Variants in NTM observed in about 807,000 individuals in gnomAD.
NTM encodes IgLON family member 2.
In NTM, 13 loss-of-function variants were observed where a neutral mutation model predicts 42.1. That is an observed-to-expected ratio of 0.31 (90% CI 0.20 to 0.49). NTM has a LOEUF of 0.49. Ranked by LOEUF, NTM falls within the 20% of genes least tolerant of loss-of-function variation. NTM has a pLI of 0.99. For missense variants in NTM, 373 were observed against 452.8 expected, an observed-to-expected ratio of 0.82 and a Z score of 1.60; for synonymous variants, 187 against 179.2, an observed-to-expected ratio of 1.04 and a Z score of -0.35.
At chr11:131,973,793 G>C (rs991237468) in intron 2 of NTM, among the ~76,000 whole-genome samples, 8 of 152,156 alleles carry the variant, frequency 5.3e-5, no homozygotes, top group Admixed American at 5.2e-4. Context: ...CTCTACCCTG[G>C]GCGACAGAGT....
chr11:131,648,366 C>T (rs528693140), intron 1 of NTM, among the ~76,000 whole-genome samples: 1 of 152,102 alleles, frequency 6.6e-6, no homozygotes, highest in Non-Finnish European at 1.5e-5. Context: ...ATATACCCAA[C>T]AGTGGGTTTG....
chr11:132,154,005 A>G (rs2072589900), intron 3 of NTM, among the ~76,000 whole-genome samples: 1 of 152,230 alleles, frequency 6.6e-6, no homozygotes, highest in Non-Finnish European at 1.5e-5. Context: ...AGGAAATGGC[A>G]TCCCAAACAG....
At chr11:131,526,367 G>A (rs2050482804) in intron 1 of NTM, among the ~76,000 whole-genome samples, 1 of 152,210 alleles carries the variant, frequency 6.6e-6, no homozygotes, top group Non-Finnish European at 1.5e-5. Flanking sequence ...GGACAGGTCA[G>A]GTGTGTGTTT....
At chr11:131,877,514 A>G (rs2048714202) in intron 1 of NTM, among the ~76,000 whole-genome samples, 1 of 152,126 alleles carries the variant, frequency 6.6e-6, no homozygotes, top group Non-Finnish European at 1.5e-5. Flanking sequence ...TGGCCCTGAG[A>G]GGGCCCTTTT....
intron 8 of NTM, among the ~76,000 whole-genome samples, chr11:132,331,807 T>C (rs1339448656): frequency 6.6e-6 from 1 of 152,050 alleles, no homozygotes; most frequent in Non-Finnish European, 1.5e-5. Context: ...GAATGAAGAA[T>C]AAGAGTGATA....
intron 3 of NTM, among the ~76,000 whole-genome samples, chr11:132,181,920 C>T (rs1028385085): frequency 1.3e-5 from 2 of 151,014 alleles, no homozygotes; most frequent in Middle Eastern, 3.5e-3. Flanking sequence ...AGTCTGAAAT[C>T]TTATCAGATT....
chr11:131,589,153 C>CA (rs1319367772), intron 1 of NTM, among the ~76,000 whole-genome samples: 1 of 139,228 alleles, frequency 7.2e-6, no homozygotes, highest in Admixed American at 7.0e-5. Context: ...CCATGCCACT[C>CA]TTAACCTGGA....
intron 1 of NTM, among the ~76,000 whole-genome samples, chr11:131,854,705 G>A (rs1436120433): frequency 6.6e-6 from 1 of 152,102 alleles, no homozygotes; most frequent in African/African-American, 2.4e-5. Context: ...AAGAGCAATG[G>A]GAAGACTTTG....
At chr11:131,373,753 T>C (rs1941547208) in intron 1 of NTM, among the ~76,000 whole-genome samples, 1 of 152,166 alleles carries the variant, frequency 6.6e-6, no homozygotes, top group South Asian at 2.1e-4. Context: ...GAAGGATTAT[T>C]GTTTCTTTTA....
chr11:132,256,923 C>G (rs2092527992), intron 4 of NTM, among the ~76,000 whole-genome samples: 1 of 152,206 alleles, frequency 6.6e-6, no homozygotes, highest in African/African-American at 2.4e-5. Flanking sequence ...GCATCTGTCA[C>G]TCTCCAATAT....
At chr11:131,660,035 G>C (rs1268845122) in intron 1 of NTM, among the ~76,000 whole-genome samples, 4 of 152,242 alleles carry the variant, frequency 2.6e-5, no homozygotes, top group Non-Finnish European at 4.4e-5. Flanking sequence ...CTTGCAAGTA[G>C]AATGCTCAGA....
intron 2 of NTM, among the ~76,000 whole-genome samples, chr11:132,010,131 G>A (rs948778347): frequency 6.6e-6 from 1 of 152,186 alleles, no homozygotes; most frequent in Non-Finnish European, 1.5e-5. Flanking sequence ...GGCTGTTCAT[G>A]TAATACCTCA....
chr11:131,605,082 G>C (rs371637251), intron 1 of NTM, among the ~76,000 whole-genome samples: 14 of 150,832 alleles, frequency 9.3e-5, no homozygotes, highest in African/African-American at 3.2e-4. Flanking sequence ...GGATCATCTT[G>C]TCAATTTCTG....
intron 8 of NTM, 31 bp from the exon 9 acceptor site, chr11:132,335,015 A>AC (rs762394333): frequency 1.3e-5 from 21 of 1,602,722 alleles, no homozygotes; most frequent in Non-Finnish European, 1.7e-5. Flanking sequence ...TTTCTCCCAG[A>AC]CCACTCACGG....
chr11:131,773,657 C>T (rs764102556), intron 1 of NTM, among the ~76,000 whole-genome samples: 6 of 152,184 alleles, frequency 3.9e-5, no homozygotes, highest in Non-Finnish European at 8.8e-5. Context: ...TTTGCCATAT[C>T]TTTTAACATT....
chr11:132,160,876 GAGA>G (rs2074125557), intron 3 of NTM, among the ~76,000 whole-genome samples: 1 of 152,220 alleles, frequency 6.6e-6, no homozygotes. Context: ...CAGGCAGTGA[GAGA>G]AGGAGGAGGG....
intron 2 of NTM, among the ~76,000 whole-genome samples, chr11:132,074,400 T>C (rs968807885): frequency 6.6e-6 from 1 of 152,206 alleles, no homozygotes; most frequent in Non-Finnish European, 1.5e-5. Flanking sequence ...GATCCTTTTA[T>C]ATCAGCAGCA....
At chr11:131,496,321 T>C (rs191540799) in intron 1 of NTM, among the ~76,000 whole-genome samples, 51 of 152,340 alleles carry the variant, frequency 3.3e-4, no homozygotes, top group African/African-American at 1.2e-3. Context: ...TTCAGCCCCA[T>C]GTCTGGTGAT....
intron 2 of NTM, among the ~76,000 whole-genome samples, chr11:132,029,341 TC>T (rs1198905171): frequency 2.3e-5 from 1 of 43,998 alleles, no homozygotes; most frequent in Non-Finnish European, 4.3e-5. Flanking sequence ...CCCTCCCCCC[TC>T]CCCCCACCCC....
Sources: allele counts gnomAD v4.1 joint callset (sites outside exome capture counted in the v4.1 genomes callset), GRCh38; gene constraint gnomAD v4.1.1; transcripts MANE v1.5; gene names NCBI Gene and HGNC (gene_info 2026-07-23, HGNC 2026-07-21).